Variants in NUDT4 observed in about 807,000 individuals in gnomAD.
The protein encoded by NUDT4 is diphosphoinositol polyphosphate phosphohydrolase 2.
NUDT4 carries 5 observed loss-of-function variants against 23.1 expected under a neutral mutation model. That is an observed-to-expected ratio of 0.22 (90% confidence interval 0.11 to 0.46). The LOEUF is 0.46. NUDT4 is among the 20% of genes least tolerant of loss of function. The pLI, the probability that NUDT4 is intolerant of heterozygous loss-of-function variation, is 0.99. For missense variants in NUDT4, 96 were observed against 211.6 expected, an observed-to-expected ratio of 0.45 and a Z score of 3.39; for synonymous variants, 50 against 79.0, an observed-to-expected ratio of 0.63 and a Z score of 1.95.
intron 1 of NUDT4, among the ~76,000 whole-genome samples, chr12:93,391,906 C>CA (rs1876535676): frequency 6.6e-6 from 1 of 151,932 alleles, no homozygotes. Context: ...TTTTTTGAGA[C>CA]AGAGTCTCAC....
intron 1 of NUDT4, 141 bp from the exon 2 acceptor site, chr12:93,394,468 A>ACAC (rs1287247427): frequency 4.1e-6 from 2 of 485,176 alleles, no homozygotes; most frequent in Non-Finnish European, 7.4e-6. Flanking sequence ...TTTGTGGTGT[A>ACAC]ATGCGTACCC....
intron 1 of NUDT4, among the ~76,000 whole-genome samples, chr12:93,379,765 A>G (rs772058704): frequency 1.6e-4 from 25 of 152,220 alleles, no homozygotes; most frequent in Non-Finnish European, 3.4e-4. Context: ...TACAAAATGA[A>G]CAAGTCAACA....
At chr12:93,394,072 A>G (rs2035052) in intron 1 of NUDT4, among the ~76,000 whole-genome samples, 75,610 of 151,728 alleles carry the variant, frequency 0.5, 19,790 homozygotes, top group African/African-American at 0.65. Flanking sequence ...GCACGATCTC[A>G]GTTCATTGCA....
At chr12:93,378,827 A>G (rs1592710573) in intron 1 of NUDT4, 2 of 985,076 alleles carry the variant, frequency 2.0e-6, no homozygotes, top group Non-Finnish European at 2.4e-6. Context: ...CCTCTTTTAC[A>G]TATTTTCCTT....
At chr12:93,387,394 A>T (rs974981434) in intron 1 of NUDT4, among the ~76,000 whole-genome samples, 3 of 152,168 alleles carry the variant, frequency 2.0e-5, no homozygotes, top group African/African-American at 7.2e-5. Flanking sequence ...TGAGTTCCTG[A>T]TAGTTCTGGA....
chr12:93,390,201 G>C (rs1230046933), intron 1 of NUDT4, among the ~76,000 whole-genome samples: 2 of 152,200 alleles, frequency 1.3e-5, no homozygotes, highest in African/African-American at 4.8e-5. Context: ...GTTGCTTAGA[G>C]AGCATAGAAT....
rs143604065 is a variant in NUDT4, at chr12:93,386,536, C to T, written c.100-8073C>T. 9.8e-3 allele frequency among the ~76,000 whole-genome samples: 1,486 copies of T among 151,692 alleles called. 8 individuals are homozygous for T. Among genetic ancestry groups the T allele is most frequent in the South Asian group, 0.035 (167 of 4,804 alleles). ...CAAAGGTTGCAGTGAGCCGAGATCA[C>T]GCCATTGCACTCCAACCTGGGTGAC... On this transcript the variant is annotated intron_variant, in intron 1 of 4. Transcript: ENST00000415493.
intron 2 of NUDT4, among the ~76,000 whole-genome samples, chr12:93,395,068 C>T (rs1167151480): frequency 1.3e-5 from 2 of 152,080 alleles, no homozygotes; most frequent in Admixed American, 6.6e-5. Flanking sequence ...AGACTGGTCT[C>T]AAACCCCTGA....
chr12:93,381,934 A>T (rs1039875697), intron 1 of NUDT4, among the ~76,000 whole-genome samples: 4 of 152,186 alleles, frequency 2.6e-5, no homozygotes, highest in African/African-American at 9.7e-5. Context: ...CATAGTTGCA[A>T]GAGAGGCATT....
At chr12:93,383,534 A>C (rs1050074135) in intron 1 of NUDT4, among the ~76,000 whole-genome samples, 1 of 152,226 alleles carries the variant, frequency 6.6e-6, no homozygotes, top group Non-Finnish European at 1.5e-5. Context: ...AGCAACCTCG[A>C]AACAGTTTCT....
At chr12:93,397,613 G>A (rs913581490) in intron 3 of NUDT4, among the ~76,000 whole-genome samples, 1 of 151,870 alleles carries the variant, frequency 6.6e-6, no homozygotes, top group Non-Finnish European at 1.5e-5. Context: ...CGCCACGTCC[G>A]CCTCCTGGGC....
In NUDT4 at chr12:93,407,649, AC is replaced by A. The variant is rs1406304096; in HGVS notation, c.*8273del. On this transcript the variant is annotated 3_prime_UTR_variant, in exon 5 of 5. Coordinates refer to ENST00000415493, the MANE Select transcript of NUDT4 (RefSeq NM_019094.6). ...CAGATCTTCAGATCATTCAAAAGTT[AC>A]CCGAATTCTGGATTTTCATGCAAAT... 1 of 152,176 alleles carries A rather than the reference AC, an allele frequency of 6.6e-6. No individual in the cohort carries two copies. 9.4% of individuals were successfully genotyped at this position (152,176 alleles called of 1,614,324 possible).
chr12:93,395,785 A>G (rs1369706141), intron 3 of NUDT4, among the ~76,000 whole-genome samples: 1 of 152,104 alleles, frequency 6.6e-6, no homozygotes, highest in Non-Finnish European at 1.5e-5. Flanking sequence ...CAGTGGTGCA[A>G]TCTTGGCTTA....
At chr12:93,390,504 A>G (rs561877711) in intron 1 of NUDT4, among the ~76,000 whole-genome samples, 4 of 152,234 alleles carry the variant, frequency 2.6e-5, no homozygotes, top group African/African-American at 2.4e-5. Context: ...TGTTGAAAGT[A>G]GAATTTGAAC....
chr12:93,382,264 CAA>C (rs61019568), intron 1 of NUDT4, among the ~76,000 whole-genome samples: 2,572 of 113,404 alleles, frequency 0.023, 51 homozygotes, highest in African/African-American at 0.064. Context: ...ACCCTGCCTG[CAA>C]AAAAAAAAAA....
intron 1 of NUDT4, among the ~76,000 whole-genome samples, chr12:93,391,344 C>G (rs1163441924): frequency 2.0e-5 from 3 of 151,986 alleles, no homozygotes; most frequent in Non-Finnish European, 2.9e-5. Context: ...GCAGGCAGAT[C>G]ACTTGAAGTC....
At chr12:93,390,765 A>G (rs1480854979) in intron 1 of NUDT4, among the ~76,000 whole-genome samples, 2 of 151,914 alleles carry the variant, frequency 1.3e-5, no homozygotes, top group Admixed American at 6.6e-5. Flanking sequence ...GTCACCATGC[A>G]TGGCTGATTT....
At chr12:93,390,963 G>C (rs971519885) in intron 1 of NUDT4, among the ~76,000 whole-genome samples, 2 of 152,092 alleles carry the variant, frequency 1.3e-5, no homozygotes, top group African/African-American at 4.8e-5. Context: ...GCATTTTGGG[G>C]GCTTGAGAGA....
At chr12:93,395,391 TTTAA>T in intron 2 of NUDT4, 94 bp from the exon 3 acceptor site, 1 of 848,646 alleles carries the variant, frequency 1.2e-6, no homozygotes. Flanking sequence ...GGGTATTGTA[TTTAA>T]TTAGATTTAA....
Sources: allele counts gnomAD v4.1 joint callset (sites outside exome capture counted in the v4.1 genomes callset), GRCh38; gene constraint gnomAD v4.1.1; transcripts MANE v1.5; gene names NCBI Gene and HGNC (gene_info 2026-07-23, HGNC 2026-07-21).